The following CTNNA3 variants were observed in gnomAD, a reference collection of about 807,000 sequenced individuals.
CTNNA3 encodes catenin alpha 3, also known as catenin alpha-3.
CTNNA3 carries 76 observed loss-of-function variants against 95.7 expected under a neutral mutation model. The ratio of observed to expected loss-of-function variants is 0.79; its 90% CI spans 0.66 to 0.96. The LOEUF is 0.96. Ranked by LOEUF, CTNNA3 falls within the 40% of genes least tolerant of loss-of-function variation. The pLI, the probability that CTNNA3 is intolerant of heterozygous loss-of-function variation, is 0.00. For missense variants in CTNNA3, 1,191 were observed against 1,089.8 expected (o/e 1.09, Z -1.31); for synonymous variants, 431 against 374.4 (o/e 1.15, Z -1.74).
At chr10:66,027,287 C>G (rs1346375926) in intron 15 of CTNNA3, among the ~76,000 whole-genome samples, 1 of 151,884 alleles carries the variant, frequency 6.6e-6, no homozygotes, top group African/African-American at 2.4e-5. Context: ...ACTAGGGGCT[C>G]AAAAGTTTAG....
rs568139979 is a variant in CTNNA3 at position 67,563,534 on chromosome 10, G to A, written c.293-23865C>T. Among the ~76,000 whole-genome samples the A allele has an allele frequency of 4.6e-5, 7 of 152,018 alleles. No individual in the cohort carries two copies. The South Asian group carries it at 1.0e-3, about 22-fold the overall frequency. ...TTAAATGTCAGACCTAAAACCATAA[G>A]AGCCCTAGAAGAAAACCTAGGCATT... is the stretch of plus-strand genomic sequence containing the variant. On this transcript the variant is annotated intron_variant, in intron 3 of 17. Transcript: ENST00000433211.
intron 7 of CTNNA3, among the ~76,000 whole-genome samples, chr10:67,156,750 T>C (rs1013334504): frequency 6.6e-5 from 10 of 152,108 alleles, no homozygotes; most frequent in African/African-American, 2.4e-4. Flanking sequence ...TTGAGAAGAA[T>C]GTATATTCTG....
chr10:66,065,897 C>A (rs1484880239), intron 15 of CTNNA3, among the ~76,000 whole-genome samples: 2 of 151,956 alleles, frequency 1.3e-5, no homozygotes, highest in Non-Finnish European at 2.9e-5. Flanking sequence ...GAGTTTCGCT[C>A]TTGTTGCCCA....
intron 7 of CTNNA3, among the ~76,000 whole-genome samples, chr10:67,175,142 G>A (rs1188934007): frequency 1.4e-5 from 2 of 143,352 alleles, no homozygotes; most frequent in Admixed American, 1.4e-4. Context: ...AAGGGAGGGA[G>A]GGAGGGAGGG....
chr10:67,326,647 GC>G (rs2132568443), intron 5 of CTNNA3, among the ~76,000 whole-genome samples: 1 of 152,214 alleles, frequency 6.6e-6, no homozygotes, highest in African/African-American at 2.4e-5. Flanking sequence ...CTCTCTAGCT[GC>G]CTTTAACACT....
intron 7 of CTNNA3, among the ~76,000 whole-genome samples, chr10:66,962,141 C>G (rs1324611428): frequency 2.0e-5 from 3 of 152,122 alleles, no homozygotes; most frequent in Admixed American, 2.0e-4. Flanking sequence ...TCATAGCAGT[C>G]ACTTTCCTGT....
intron 7 of CTNNA3, among the ~76,000 whole-genome samples, chr10:67,111,654 A>G (rs1294811381): frequency 1.3e-5 from 2 of 152,028 alleles, no homozygotes; most frequent in Non-Finnish European, 2.9e-5. Context: ...ATTGAAGTGT[A>G]TTCCATATAC....
At chr10:67,227,363 T>C (rs1347264144) in intron 5 of CTNNA3, among the ~76,000 whole-genome samples, 1 of 152,134 alleles carries the variant, frequency 6.6e-6, no homozygotes, top group Non-Finnish European at 1.5e-5. Flanking sequence ...AGTGCTGGGA[T>C]TAAAGGCCTG....
intron 13 of CTNNA3, among the ~76,000 whole-genome samples, chr10:66,180,672 G>T (rs774773918): frequency 6.6e-6 from 1 of 152,054 alleles, no homozygotes; most frequent in African/African-American, 2.4e-5. Flanking sequence ...GTTTTCATCC[G>T]CAATATGGCA....
At chr10:66,051,785 C>A (rs1469827198) in intron 15 of CTNNA3, among the ~76,000 whole-genome samples, 1 of 152,052 alleles carries the variant, frequency 6.6e-6, no homozygotes, top group African/African-American at 2.4e-5. Context: ...ATGATAGAAC[C>A]CTTTCCTAAC....
At chr10:66,889,790 CTTTTTTTTTT>C (rs71468807) in intron 7 of CTNNA3, among the ~76,000 whole-genome samples, 1 of 131,082 alleles carries the variant, frequency 7.6e-6, no homozygotes, top group Non-Finnish European at 1.6e-5. Flanking sequence ...AACCACAGAC[CTTTTTTTTTT>C]TTTTTTTTGA....
At chr10:67,448,303 T>C (rs1846830358) in intron 5 of CTNNA3, among the ~76,000 whole-genome samples, 1 of 152,196 alleles carries the variant, frequency 6.6e-6, no homozygotes, top group African/African-American at 2.4e-5. Context: ...CCAATTCATT[T>C]ATAGATTTAT....
At position 66,750,348 on chromosome 10, in the gene CTNNA3, C is replaced by A. The variant is rs145811360; in HGVS notation, c.1281+15916G>T. ...ATCTTCTAAAAGTGTTATGGTTTTG[C>A]AGTTTACATTTAAGTCTATGACCCA... On this transcript the variant is annotated intron_variant, in intron 9 of 17. Coordinates refer to ENST00000433211, the MANE Select transcript of CTNNA3 (RefSeq NM_013266.4). Among the ~76,000 whole-genome samples, 3 of 152,234 alleles carry A rather than the reference C, an allele frequency of 2.0e-5. No individual in the cohort carries two copies. In the East Asian group the frequency reaches 5.8e-4, roughly 29 times the overall value.
chr10:67,448,843 A>G (rs1846857337), intron 5 of CTNNA3, among the ~76,000 whole-genome samples: 1 of 148,150 alleles, frequency 6.7e-6, no homozygotes, highest in Non-Finnish European at 1.5e-5. Context: ...ATTTAGAAAT[A>G]TATATTATTT....
At chr10:66,467,485 C>T (rs1564991827) in intron 11 of CTNNA3, among the ~76,000 whole-genome samples, 1 of 151,926 alleles carries the variant, frequency 6.6e-6, no homozygotes, top group Non-Finnish European at 1.5e-5. Context: ...TTGCCCAAGA[C>T]AAAAAATGGC....
At chr10:66,112,204 G>C (rs1432691579) in intron 13 of CTNNA3, among the ~76,000 whole-genome samples, 1 of 152,126 alleles carries the variant, frequency 6.6e-6, no homozygotes, top group Non-Finnish European at 1.5e-5. Context: ...GAGGGAGAAG[G>C]CATCTAGTAT....
intron 13 of CTNNA3, among the ~76,000 whole-genome samples, chr10:66,176,678 G>C (rs2085729556): frequency 6.6e-6 from 1 of 152,038 alleles, no homozygotes; most frequent in Admixed American, 6.6e-5. Context: ...AGGCCCCAGA[G>C]AGCTAGCTAC....
intron 13 of CTNNA3, among the ~76,000 whole-genome samples, chr10:66,218,090 C>T (rs2088671124): frequency 6.6e-6 from 1 of 152,244 alleles, no homozygotes; most frequent in Admixed American, 6.5e-5. Context: ...GAGTCTCTCA[C>T]TTTGCTGAAA....
intron 13 of CTNNA3, among the ~76,000 whole-genome samples, chr10:66,187,915 T>C (rs1231420424): frequency 6.6e-6 from 1 of 152,068 alleles, no homozygotes; most frequent in African/African-American, 2.4e-5. Flanking sequence ...ATAGAAACTG[T>C]CCCTAAGGAA....
Sources: gnomAD v4.1 joint callset for allele counts (sites outside exome capture counted in the v4.1 genomes callset) on GRCh38, gnomAD v4.1.1 for gene constraint, MANE v1.5 for transcripts, NCBI Gene and HGNC (gene_info 2026-07-23, HGNC 2026-07-21) for gene names.